COL5A1: variants seen among roughly 807,000 people sequenced by gnomAD.
The protein encoded by COL5A1 is collagen alpha-1(V) chain.
A neutral mutation model predicts 263.7 loss-of-function variants in COL5A1; 16 were observed. The ratio of observed to expected loss-of-function variants is 0.06; its 90% CI spans 0.04 to 0.09. The LOEUF (loss-of-function observed/expected upper bound fraction) is 0.09. Among genes scored for constraint, COL5A1 ranks in the 10% least tolerant of loss-of-function variants. The pLI is 1.00. For missense variants in COL5A1, 2,036 were observed against 2,540.5 expected, an observed-to-expected ratio of 0.80 and a Z score of 4.27; for synonymous variants, 1,012 against 1,004.5, an observed-to-expected ratio of 1.01 and a Z score of -0.14.
At chr9:134,748,759 A>T (rs1588500706) in intron 11 of COL5A1, among the ~76,000 whole-genome samples, 1 of 152,334 alleles carries the variant, frequency 6.6e-6, no homozygotes, top group East Asian at 1.9e-4. Context: ...ATATGTTAGC[A>T]CGTCTGTCGG....
At chr9:134,770,699 T>A (rs570127166) in intron 25 of COL5A1, among the ~76,000 whole-genome samples, 1 of 152,256 alleles carries the variant, frequency 6.6e-6, no homozygotes, top group Non-Finnish European at 1.5e-5. Context: ...GTTACTTTTT[T>A]AATCAGAAAA....
rs115335749 is a variant in COL5A1, at chr9:134,742,412, G to A, written c.1494+3604G>A. Among the ~76,000 whole-genome samples, 1,820 of 152,172 alleles carry A rather than the reference G, an allele frequency of 0.012. 17 individuals carry two copies. The highest frequency in any genetic ancestry group is 0.02 in the Middle Eastern group (6 of 294). On this transcript the variant is annotated intron_variant, in intron 11 of 65. Transcript: ENST00000371817. This position sits in a 1 kb window ranked among gnomAD's most constrained non-coding sequence, Gnocchi z 4.6. Reference sequence around the variant, plus strand: ...AATCCCGAGATGGGAGGTCTGGAGCGGCTGTGTCCGGGTGGAGAAGGGGCT... The same window carrying A: ...AATCCCGAGATGGGAGGTCTGGAGCAGCTGTGTCCGGGTGGAGAAGGGGCT...
rs61735501 is a variant in COL5A1, at chr9:134,823,463, C to A, written c.4692C>A (p.Gly1564=). The A allele has an allele frequency of 3.4e-5, 55 of 1,613,972 alleles. 1 individual carries two copies. Among genetic ancestry groups the A allele is most frequent in the South Asian group, 3.4e-4 (31 of 91,086 alleles). The change falls in exon 61 of 66, where the codon GGC becomes GGA. Residue 1564 remains glycine, a synonymous_variant. Coordinates refer to ENST00000371817, the MANE Select transcript of COL5A1 (RefSeq NM_000093.5). ...KGEAGHPGPP[G]PPGPPGEVIQ... ...AGGCAGGCCACCCAGGACCCCCAGG[C>A]CCCCCGGTAAGTAGCCCTTGAAGCC... is the stretch of plus-strand genomic sequence containing the variant.
chr9:134,650,661 A>C (rs1177420712), intron 1 of COL5A1, among the ~76,000 whole-genome samples: 2 of 152,242 alleles, frequency 1.3e-5, no homozygotes, highest in African/African-American at 2.4e-5. Context: ...CCAGTCAGAG[A>C]CCAGCCTGCT....
At chr9:134,804,832 C>A (rs969682003) in intron 39 of COL5A1, 143 bp from the exon 40 acceptor site, 22 of 737,248 alleles carry the variant, frequency 3.0e-5, no homozygotes, top group Non-Finnish European at 4.5e-5. Flanking sequence ...AAGGCCCCAA[C>A]CCTTGGCCTC....
intron 44 of COL5A1, 57 bp downstream of exon 44, chr9:134,810,365 A>G: frequency 1.3e-6 from 2 of 1,521,626 alleles, no homozygotes; most frequent in Admixed American, 3.4e-5. Flanking sequence ...GCCTCGTCGC[A>G]GGCTGTAGGC....
chr9:134,793,010 C>T (rs953914274), intron 32 of COL5A1, among the ~76,000 whole-genome samples: 4 of 152,098 alleles, frequency 2.6e-5, no homozygotes, highest in Admixed American at 1.3e-4. Flanking sequence ...GCAGAGCTAG[C>T]GTTGGTTCTG....
At chr9:134,649,673 C>T in intron 1 of COL5A1, 1 of 386,334 alleles carries the variant, frequency 2.6e-6, no homozygotes, top group East Asian at 7.1e-5. Flanking sequence ...CCTGGTGATC[C>T]CATTACTGGG....
chr9:134,779,439 T>C (rs955798463), intron 27 of COL5A1, among the ~76,000 whole-genome samples: 1 of 152,204 alleles, frequency 6.6e-6, no homozygotes, highest in Admixed American at 6.5e-5. Flanking sequence ...GCAATAAATA[T>C]GTTATCATCA....
At chr9:134,708,855 A>G (rs1199628660) in intron 4 of COL5A1, 2 of 456,484 alleles carry the variant, frequency 4.4e-6, no homozygotes, top group African/African-American at 4.0e-5. Flanking sequence ...CTCCCTCTGA[A>G]GCTTCCAGCG....
intron 1 of COL5A1, among the ~76,000 whole-genome samples, chr9:134,648,676 G>A (rs771653220): frequency 1.4e-4 from 22 of 152,262 alleles, no homozygotes; most frequent in Non-Finnish European, 3.1e-4. Flanking sequence ...GCAGGAGGCT[G>A]TGAGGTGGTT....
intron 26 of COL5A1, 78 bp downstream of exon 26, chr9:134,772,912 C>A: frequency 7.1e-7 from 1 of 1,409,002 alleles, no homozygotes; most frequent in Non-Finnish European, 1.0e-6. Context: ...AGCCTCTGCT[C>A]AGGGACATCC....
At chr9:134,697,646 A>G (rs542205238) in intron 2 of COL5A1, among the ~76,000 whole-genome samples, 136 of 152,152 alleles carry the variant, frequency 8.9e-4, no homozygotes, top group African/African-American at 3.1e-3. Flanking sequence ...TCAGTGCCCC[A>G]TGCACTCCCA....
intron 42 of COL5A1, among the ~76,000 whole-genome samples, chr9:134,808,250 C>T (rs1204728410): frequency 6.6e-6 from 1 of 152,144 alleles, no homozygotes; most frequent in African/African-American, 2.4e-5. Flanking sequence ...CCAATGTGCA[C>T]ACCCTCCTTC....
At chr9:134,766,204 C>T (rs1222209236) in intron 21 of COL5A1, among the ~76,000 whole-genome samples, 2 of 152,150 alleles carry the variant, frequency 1.3e-5, no homozygotes, top group Non-Finnish European at 2.9e-5. Flanking sequence ...TTTTCTAGAA[C>T]CTGAGGCCTG....
chr9:134,766,428 G>A (rs371293237), intron 21 of COL5A1, 26 bp from the exon 22 acceptor site: 55 of 1,613,474 alleles, frequency 3.4e-5, no homozygotes, highest in Non-Finnish European at 4.4e-5. Context: ...TCAGTTACAT[G>A]TTTTTCTTCT....
rs11103508 is a variant in COL5A1, at chr9:134,761,871, A to C, written c.1936-54A>C. The C allele has an allele frequency of 0.07, 109,293 of 1,563,574 alleles. 8,518 individuals are homozygous for C. The highest frequency in any genetic ancestry group is 0.29 in the African/African-American group (21,228 of 73,914). On this transcript the variant is annotated intron_variant, in intron 18 of 65. Transcript: ENST00000371817. ...AGAAAAACAAAGTGGGACCTTGGAC[A>C]AGCCCTGCATGACCTGCTCAGGAGA... is the stretch of plus-strand genomic sequence containing the variant.
intron 30 of COL5A1, among the ~76,000 whole-genome samples, chr9:134,785,425 G>C (rs1837420185): frequency 6.6e-6 from 1 of 152,228 alleles, no homozygotes; most frequent in Admixed American, 6.5e-5. Flanking sequence ...CCACAGCTGG[G>C]TAATAACGGT....
At chr9:134,771,102 G>A (rs1057204264) in intron 25 of COL5A1, among the ~76,000 whole-genome samples, 2 of 152,252 alleles carry the variant, frequency 1.3e-5, no homozygotes, top group East Asian at 1.9e-4. Flanking sequence ...GTGTGCAGAT[G>A]TGCTGTTATC....
Sources: gnomAD v4.1 joint callset for allele counts (sites outside exome capture counted in the v4.1 genomes callset) on GRCh38, gnomAD v4.1.1 for gene constraint, Gnocchi (gnomAD v3.1) non-coding constraint, MANE v1.5 for transcripts, NCBI Gene and HGNC (gene_info 2026-07-23, HGNC 2026-07-21) for gene names.